EIF2B4: variants seen among roughly 807,000 people sequenced by gnomAD.
EIF2B4 encodes the protein eukaryotic translation initiation factor 2B subunit delta.
EIF2B4 carries 34 observed loss-of-function variants against 66.7 expected under a neutral mutation model. The observed-to-expected ratio is 0.51, with a 90% confidence interval of 0.39 to 0.68. EIF2B4 has a LOEUF of 0.68. EIF2B4 is among the 30% of genes least tolerant of loss of function. The pLI is 0.00. For missense variants in EIF2B4, 618 were observed against 657.9 expected (o/e 0.94, Z 0.66); for synonymous variants, 278 against 253.6 (o/e 1.10, Z -0.92).
At chr2:27,365,029 A>C in intron 11 of EIF2B4, 131 bp from the exon 12 acceptor site, 1 of 886,684 alleles carries the variant, frequency 1.1e-6, no homozygotes, top group Non-Finnish European at 1.8e-6. Context: ...AGGGAAAGAA[A>C]CAAAAACAGA....
chr2:27,369,693 C>A, intron 2 of EIF2B4, 144 bp from the exon 3 acceptor site: 1 of 1,502,942 alleles, frequency 6.7e-7, no homozygotes, highest in Non-Finnish European at 9.2e-7. Flanking sequence ...CTTACATCCA[C>A]AGAGGCTGAC....
Position 27,369,002 on chromosome 2 carries a change from A to T in EIF2B4, c.418+4T>A, listed in dbSNP as rs1276338754. 30 of 1,613,924 alleles carry T rather than the reference A, an allele frequency of 1.9e-5. No individual in the cohort carries two copies. The highest frequency in any genetic ancestry group is 2.5e-5 in the Non-Finnish European group (29 of 1,180,010). ...AGGGAGGTCTTAAAATGAAGGGAAG[A>T]TACCTGAGGGGGTTTCTCCAGCTGT... On this transcript the variant is annotated splice_donor_region_variant and intron_variant, in intron 4 of 12. Coordinates refer to ENST00000347454, the MANE Select transcript of EIF2B4 (RefSeq NM_001034116.2).
At chr2:27,368,928 G>C in intron 4 of EIF2B4, 78 bp downstream of exon 4, 1 of 1,558,204 alleles carries the variant, frequency 6.4e-7, no homozygotes, top group Admixed American at 1.7e-5. Context: ...TGAGAGGGGA[G>C]AGCTGTTTTA....
chr2:27,366,932 A>G lies in EIF2B4; in HGVS notation c.1018T>C (p.Ser340Pro). The G allele has an allele frequency of 1.9e-6, 3 of 1,614,196 alleles. No homozygotes were observed. Among genetic ancestry groups the G allele is most frequent in the South Asian group, 2.2e-5 (2 of 91,086 alleles). ...GDVILVYGCS[S>P]LVSRILQEAW... ...TCCTGAAGAATTCGTGATACCAGAG[A>G]TGAGCTAGAGTGAATGAAGAGGAGG... Residue 340 changes from serine to proline, a missense_variant, in exon 11 of 13, where the codon TCT becomes CCT. By Grantham distance (74) the Ser-to-Pro change is moderately conservative. Coordinates refer to ENST00000347454, the MANE Select transcript of EIF2B4 (RefSeq NM_001034116.2).
Position 27,368,685 on chromosome 2 carries a change from C to T in EIF2B4, c.467G>A (p.Arg156Lys), listed in dbSNP as rs768779136. The T allele has an allele frequency of 2.9e-5, 47 of 1,614,082 alleles. No homozygotes were observed. The highest frequency in any genetic ancestry group is 3.9e-5 in the Non-Finnish European group (46 of 1,180,058). Residue 156 changes from arginine to lysine, a missense_variant, in exon 5 of 13, where the codon AGA becomes AAA. Around this residue, in one of 4 missense-constraint regions of EIF2B4, gnomAD observed 506 missense variants for 511.9 expected, o/e 0.99. Coordinates refer to ENST00000347454, the MANE Select transcript of EIF2B4 (RefSeq NM_001034116.2). ...ACGCTCTGGTTTTTTAACAAGCCTTCTCAGAAGTAGGTCATCAACCTGAGG... is the reference window on the plus strand; with the variant it reads ...ACGCTCTGGTTTTTTAACAAGCCTTTTCAGAAGTAGGTCATCAACCTGAGG... ...EYPQVDDLLL[R>K]RLVKKPERQQ...
At chr2:27,367,361 C>T (rs1036710491) in intron 9 of EIF2B4, 96 bp downstream of exon 9, 14 of 1,582,820 alleles carry the variant, frequency 8.8e-6, no homozygotes, top group Admixed American at 1.7e-5. Flanking sequence ...TTGACTAGGG[C>T]AAAAAAAGGC....
In EIF2B4 at chr2:27,367,105, T is replaced by A; in HGVS notation, c.982A>T (p.Ser328Cys). 1 of 1,614,248 alleles carries A rather than the reference T, an allele frequency of 6.2e-7. No individual in the cohort carries two copies. Among genetic ancestry groups the A allele is most frequent in the Non-Finnish European group, 8.5e-7 (1 of 1,180,044 alleles). ...TATACCAGGATCACATCTCCATTACTGATCTTCTGGTAAGCAAAGCGTGAA... is the reference window on the plus strand; with the variant it reads ...TATACCAGGATCACATCTCCATTACAGATCTTCTGGTAAGCAAAGCGTGAA... The part of the protein sequence containing the change: ...AISRFAYQKI[S>C]NGDVILVYGC... The change falls in exon 10 of 13, where the codon AGT (serine) becomes TGT (cysteine). Residue 328 changes from serine (S) to cysteine (C), a missense_variant. This residue lies in a region of EIF2B4 where 506 missense variants were observed against 511.9 expected (regional missense o/e 0.99). Coordinates refer to ENST00000347454, the MANE Select transcript of EIF2B4 (RefSeq NM_001034116.2).
At chr2:27,369,996 C>T (rs1238080448) in intron 1 of EIF2B4, 77 bp from the exon 2 acceptor site, 10 of 1,537,394 alleles carry the variant, frequency 6.5e-6, no homozygotes, top group Non-Finnish European at 7.9e-6. Flanking sequence ...TCGGCGCAGC[C>T]GGCTGCTGGG....
At chr2:27,370,086 G>C in intron 1 of EIF2B4, 167 bp from the exon 2 acceptor site, 2 of 1,506,232 alleles carry the variant, frequency 1.3e-6, no homozygotes, top group South Asian at 2.6e-5. Context: ...GCGGATCAAA[G>C]GAATGGAGGG....
At chr2:27,369,764 C>T (rs745642477) in intron 2 of EIF2B4, 112 bp downstream of exon 2, 171 of 1,464,140 alleles carry the variant, frequency 1.2e-4, no homozygotes, top group Non-Finnish European at 1.5e-4. Flanking sequence ...GTAAAATCTC[C>T]TGGCTTTACT....
chr2:27,368,969 TAGGAGTAAGGGAGGTCTTAAA>T lies in EIF2B4; in HGVS notation c.418+16_418+36del, dbSNP rs754878418. The T allele has an allele frequency of 9.9e-6, 16 of 1,612,276 alleles. No homozygotes were observed. In the East Asian group the frequency reaches 3.6e-4, roughly 36 times the overall value. On this transcript the variant is annotated intron_variant, in intron 4 of 12. Coordinates refer to ENST00000347454, the MANE Select transcript of EIF2B4 (RefSeq NM_001034116.2). ...GGGCAGCCTGAGCTGGCGTTATAAT[TAGGAGTAAGGGAGGTCTTAAA>T]ATGAAGGGAAGATACCTGAGGGGGT... is the stretch of plus-strand genomic sequence containing the variant.
Position 27,370,267 on chromosome 2 carries a change from C to T in EIF2B4, c.31+17G>A, listed in dbSNP as rs1040068401. The stretch of plus-strand genomic sequence containing the variant: ...TCGGCTCCGCGTACCAGTAGGCAGG[C>T]CCGGCTCTTCACTCACCCTCGCGAA... On this transcript the variant is annotated intron_variant, in intron 1 of 12. Coordinates refer to ENST00000347454, the MANE Select transcript of EIF2B4 (RefSeq NM_001034116.2). 14 of 1,549,078 alleles carry T rather than the reference C, an allele frequency of 9.0e-6. No individual in the cohort carries two copies. Among genetic ancestry groups the T allele is most frequent in the Non-Finnish European group, 1.0e-5 (12 of 1,149,930 alleles).
At position 27,364,883 on chromosome 2, in the gene EIF2B4, A is replaced by G. The variant is rs1328731430; in HGVS notation, c.1207T>C (p.Leu403=). ...YVLPEVSKVL[L]GAHALLANGS... ...TTGGCCAAGAGTGCATGAGCTCCCA[A>G]TAGCACCTTGGAAACCTGTTTCACA... The change falls in exon 12 of 13, where the codon TTG becomes CTG. Residue 403 remains leucine, a synonymous_variant. Transcript: ENST00000347454. 6.2e-7 allele frequency: 1 copy of G among 1,614,156 alleles called. No homozygotes were observed. Among genetic ancestry groups the G allele is most frequent in the South Asian group, 1.1e-5 (1 of 91,078 alleles).
chr2:27,367,482 A>G lies in EIF2B4; in HGVS notation c.860T>C (p.Val287Ala). ...CTCCTCTTCCCGCTTGGAACTGCCC[A>G]CACTGGTGATTTCCTTGTTAAGGAA... ...IKFLNKEITSVGSSKREEEAK... is the reference protein window; with the variant it reads ...IKFLNKEITSAGSSKREEEAK... Residue 287 changes from valine to alanine, a missense_variant, in exon 9 of 13, where the codon GTG (valine) becomes GCG (alanine). By Grantham distance (64) the Val-to-Ala change is moderately conservative. This residue lies in a region of EIF2B4 where 506 missense variants were observed against 511.9 expected (regional missense o/e 0.99). Coordinates refer to ENST00000347454, the MANE Select transcript of EIF2B4 (RefSeq NM_001034116.2). The G allele has an allele frequency of 6.2e-7, 1 of 1,614,106 alleles. No homozygotes were observed. The highest frequency in any genetic ancestry group is 1.1e-5 in the South Asian group (1 of 91,074).
In EIF2B4 at chr2:27,368,134, G is replaced by T; in HGVS notation, c.596C>A (p.Pro199Gln). The change falls in exon 7 of 13, where the codon CCA (proline) becomes CAA (glutamine). Residue 199 changes from proline (P) to glutamine (Q), a missense_variant. By Grantham distance (76) the Pro-to-Gln change is moderately conservative. This residue lies in a region of EIF2B4 where 506 missense variants were observed against 511.9 expected (regional missense o/e 0.99). Transcript: ENST00000347454. ...CATGGCTGGGTGGATCACAGAGGAT[G>T]GGATGCTGATGGGATGGCGGTGTCA... is the stretch of plus-strand genomic sequence containing the variant. ...QNSLTQFMSI[P>Q]SSVIHPAMVR... The T allele has an allele frequency of 6.3e-7, 1 of 1,589,056 alleles. No individual in the cohort carries two copies.
rs371157163 is a variant in EIF2B4, at chr2:27,370,050, G to A, written c.32-131C>T. ...CGCCGGCAGGCGCGAGGCGAGCCAG[G>A]GATCCGCGTGGGGACGCACTGCGCG... On this transcript the variant is annotated intron_variant, in intron 1 of 12. Transcript: ENST00000347454. 396 of 1,507,754 alleles carry A rather than the reference G, an allele frequency of 2.6e-4. 2 individuals carry two copies. In the African/African-American group the frequency reaches 4.8e-3, roughly 18 times the overall value. The allele number at this position is 1,507,754 out of a possible 1,614,324, so 93.4% of individuals were successfully genotyped here. A position where few individuals can be genotyped will look rare whatever the true frequency, so the allele number is the denominator to read the frequency against.
At position 27,364,462 on chromosome 2, in the gene EIF2B4, G is replaced by A; in HGVS notation, c.1510C>T (p.Leu504=). The change falls in exon 13 of 13, where the codon CTG becomes TTG. Residue 504 remains leucine, a synonymous_variant. Coordinates refer to ENST00000347454, the MANE Select transcript of EIF2B4 (RefSeq NM_001034116.2). ...ACAGAACTGCAAGGGATCATCCCCA[G>A]CTCCGTGATCACCAGATCCACAAGC... is the stretch of plus-strand genomic sequence containing the variant. ...PELVDLVITE[L]GMIPCSSVPV... 1 of 1,614,128 alleles carries A rather than the reference G, an allele frequency of 6.2e-7. No individual in the cohort carries two copies. Among genetic ancestry groups the A allele is most frequent in the Non-Finnish European group, 8.5e-7 (1 of 1,180,028 alleles).
rs777992006 is a variant in EIF2B4 at position 27,367,501 on chromosome 2, T to C, written c.841A>G (p.Asn281Asp). 6.2e-7 allele frequency: 1 copy of C among 1,614,188 alleles called. No homozygotes were observed. Among genetic ancestry groups the C allele is most frequent in the Admixed American group, 1.7e-5 (1 of 60,022 alleles). ...ASMHNAIKFL[N>D]KEITSVGSSK... Reference sequence around the variant, plus strand: ...CTGCCCACACTGGTGATTTCCTTGTTAAGGAACTTGATGGCGTTGTGCATG... The same window carrying C: ...CTGCCCACACTGGTGATTTCCTTGTCAAGGAACTTGATGGCGTTGTGCATG... Residue 281 changes from asparagine to aspartate, a missense_variant, in exon 9 of 13, where the codon AAC (asparagine) becomes GAC (aspartate). This residue lies in a region of EIF2B4 where 506 missense variants were observed against 511.9 expected (regional missense o/e 0.99). Coordinates refer to ENST00000347454, the MANE Select transcript of EIF2B4 (RefSeq NM_001034116.2).
chr2:27,370,154 CTG>C, intron 1 of EIF2B4, 128 bp downstream of exon 1: 2 of 1,542,022 alleles, frequency 1.3e-6, no homozygotes, highest in Non-Finnish European at 1.7e-6. Flanking sequence ...GCGCTCGAGA[CTG>C]TGTAGACCGG....
Sources: gnomAD v4.1 joint callset for allele counts on GRCh38, gnomAD v4.1.1 for gene constraint, gnomAD v4.1.1 regional missense constraint, MANE v1.5 for transcripts, NCBI Gene and HGNC (gene_info 2026-07-23, HGNC 2026-07-21) for gene names.